Variants in DNAJC1 observed in about 807,000 individuals in gnomAD.
DNAJC1 encodes DnaJ heat shock protein family (Hsp40) member C1.
DNAJC1 carries 58 observed loss-of-function variants against 76.6 expected under a neutral mutation model. The ratio of observed to expected loss-of-function variants is 0.76; its 90% CI spans 0.61 to 0.94. The LOEUF is 0.94. DNAJC1 is among the 40% of genes least tolerant of loss of function. The pLI, the probability that DNAJC1 is intolerant of heterozygous loss-of-function variation, is 0.00. For synonymous variants in DNAJC1, 258 were observed against 267.9 expected (o/e 0.96, Z 0.36); for missense variants, 689 against 677.3 (o/e 1.02, Z -0.19).
chr10:21,836,132 C>T (rs1270313067), intron 8 of DNAJC1, among the ~76,000 whole-genome samples: 2 of 152,190 alleles, frequency 1.3e-5, no homozygotes, highest in Admixed American at 1.3e-4. Flanking sequence ...GATCTCTCGG[C>T]AGAAACTCTA....
intron 8 of DNAJC1, among the ~76,000 whole-genome samples, chr10:21,806,941 G>A (rs1834890726): frequency 6.6e-6 from 1 of 152,148 alleles, no homozygotes; most frequent in Non-Finnish European, 1.5e-5. Flanking sequence ...AGCACTAGCA[G>A]TAGTCAAACC....
intron 1 of DNAJC1, among the ~76,000 whole-genome samples, chr10:21,984,325 G>A (rs1030102161): frequency 3.9e-5 from 6 of 152,172 alleles, no homozygotes; most frequent in African/African-American, 1.4e-4. Context: ...AAGTAAAGCA[G>A]TTCCAGGGGC....
At chr10:21,895,261 G>T (rs1480683797) in intron 7 of DNAJC1, among the ~76,000 whole-genome samples, 1 of 152,170 alleles carries the variant, frequency 6.6e-6, no homozygotes, top group African/African-American at 2.4e-5. Context: ...TGATCTAAGT[G>T]GTTGTGATCA....
chr10:21,859,205 C>T (rs1240335967), intron 8 of DNAJC1, among the ~76,000 whole-genome samples: 1 of 152,098 alleles, frequency 6.6e-6, no homozygotes, highest in Non-Finnish European at 1.5e-5. Flanking sequence ...TAAGAAGTTC[C>T]TTCTTAAGGG....
At chr10:21,756,903 G>T (rs1461515360) in intron 11 of DNAJC1, 148 bp from the exon 12 acceptor site, 15 of 683,024 alleles carry the variant, frequency 2.2e-5, no homozygotes, top group Middle Eastern at 3.1e-4. Context: ...GAGTCCAGTC[G>T]CTCACAAGGC....
intron 8 of DNAJC1, among the ~76,000 whole-genome samples, chr10:21,835,374 GAAA>G (rs899080895): frequency 3.9e-5 from 6 of 152,136 alleles, no homozygotes; most frequent in African/African-American, 1.4e-4. Flanking sequence ...ACAAAGATGG[GAAA>G]AAAACAGAGC....
chr10:21,969,065 A>C (rs953230109), intron 1 of DNAJC1, among the ~76,000 whole-genome samples: 9 of 152,092 alleles, frequency 5.9e-5, no homozygotes, highest in Admixed American at 2.0e-4. Context: ...ATCTACTAAA[A>C]ATTTAAAAAT....
intron 8 of DNAJC1, among the ~76,000 whole-genome samples, chr10:21,858,669 T>C (rs1835877449): frequency 6.6e-6 from 1 of 152,226 alleles, no homozygotes; most frequent in African/African-American, 2.4e-5. Flanking sequence ...AGTGATTTTA[T>C]TTCTTATTTA....
At chr10:21,867,874 C>A (rs1015196922) in intron 8 of DNAJC1, among the ~76,000 whole-genome samples, 2 of 151,708 alleles carry the variant, frequency 1.3e-5, no homozygotes, top group African/African-American at 4.9e-5. Flanking sequence ...GAGTTTGAGA[C>A]CAGCCTGGCC....
chr10:21,888,094 C>A lies in DNAJC1; in HGVS notation c.821-5655G>T, dbSNP rs563991834. Among the ~76,000 whole-genome samples, 330 of 152,156 alleles carry A rather than the reference C, an allele frequency of 2.2e-3. 3 individuals carry two copies. Among genetic ancestry groups the A allele is most frequent in the African/African-American group, 7.6e-3 (314 of 41,520 alleles). On this transcript the variant is annotated intron_variant, in intron 7 of 11. Transcript: ENST00000376980. Reference sequence around the variant, plus strand: ...GCAAATGACATAAACAGACACTTTTCAAAAGAAGACATCCATGCAGCCAAT... The same window carrying A: ...GCAAATGACATAAACAGACACTTTTAAAAAGAAGACATCCATGCAGCCAAT...
chr10:21,973,148 A>G (rs1362055510), intron 1 of DNAJC1, among the ~76,000 whole-genome samples: 1 of 152,162 alleles, frequency 6.6e-6, no homozygotes, highest in Non-Finnish European at 1.5e-5. Context: ...ATTCTGGTTT[A>G]TCAATTCTGT....
intron 1 of DNAJC1, among the ~76,000 whole-genome samples, chr10:21,937,783 A>G: frequency 6.6e-6 from 1 of 151,680 alleles, no homozygotes; most frequent in Non-Finnish European, 1.5e-5. Context: ...AACCATAATG[A>G]AATGAAATCA....
Position 21,920,950 on chromosome 10 carries a change from G to A in DNAJC1, c.385C>T (p.Leu129=). 2 of 1,608,140 alleles carry A rather than the reference G, an allele frequency of 1.2e-6. No homozygotes were observed. The highest frequency in any genetic ancestry group is 1.7e-6 in the Non-Finnish European group (2 of 1,176,846). The change falls in exon 4 of 12, where the codon CTG becomes TTG. Residue 129 remains leucine (L), a synonymous_variant. Transcript: ENST00000376980. ...DERRQRYDDI[L]INGLPDWRQP... ...CGCCAATCTGGAAGTCCATTGATCAGAATATCATCATACCTACAGTACAAA... is the reference window on the plus strand; with the variant it reads ...CGCCAATCTGGAAGTCCATTGATCAAAATATCATCATACCTACAGTACAAA...
At chr10:21,942,821 AAAAG>A (rs1191003572) in intron 1 of DNAJC1, among the ~76,000 whole-genome samples, 126 of 150,646 alleles carry the variant, frequency 8.4e-4, no homozygotes, top group African/African-American at 2.8e-3. Flanking sequence ...AAAAAAAAAA[AAAAG>A]AAAGAAAGAA....
chr10:21,912,593 G>A (rs1333531033), intron 6 of DNAJC1, among the ~76,000 whole-genome samples: 2 of 151,944 alleles, frequency 1.3e-5, no homozygotes, highest in Non-Finnish European at 2.9e-5. Flanking sequence ...ATTTGTTTAT[G>A]TATTTCCTGT....
At chr10:21,950,240 T>G (rs1327244432) in intron 1 of DNAJC1, among the ~76,000 whole-genome samples, 1 of 152,222 alleles carries the variant, frequency 6.6e-6, no homozygotes, top group African/African-American at 2.4e-5. Flanking sequence ...CCTGTTTCTG[T>G]ATCACATTTT....
chr10:21,997,352 A>C (rs1239947744), intron 1 of DNAJC1, among the ~76,000 whole-genome samples: 1 of 152,234 alleles, frequency 6.6e-6, no homozygotes, highest in Non-Finnish European at 1.5e-5. Context: ...TGTGATGGCC[A>C]AATGGGCTTG....
chr10:21,847,212 G>A (rs1299290282), intron 8 of DNAJC1, among the ~76,000 whole-genome samples: 3 of 152,054 alleles, frequency 2.0e-5, no homozygotes. Context: ...GTGCCTCTAG[G>A]AAAGAACCAG....
At chr10:21,823,895 T>G (rs1835199503) in intron 8 of DNAJC1, among the ~76,000 whole-genome samples, 1 of 152,174 alleles carries the variant, frequency 6.6e-6, no homozygotes, top group South Asian at 2.1e-4. Flanking sequence ...TATAGTTCTT[T>G]TAATTTGAAT....
Sources: allele counts gnomAD v4.1 joint callset (sites outside exome capture counted in the v4.1 genomes callset), GRCh38; gene constraint gnomAD v4.1.1; transcripts MANE v1.5; gene names NCBI Gene and HGNC (gene_info 2026-07-23, HGNC 2026-07-21).